Variants in CRTAC1 observed in about 807,000 individuals in gnomAD.
CRTAC1 encodes the protein cartilage acidic protein 1.
In CRTAC1, 37 loss-of-function variants were observed where a neutral mutation model predicts 67.8. The ratio of observed to expected loss-of-function variants is 0.55; its 90% CI spans 0.42 to 0.72. The LOEUF is 0.72. Among genes scored for constraint, CRTAC1 ranks in the 30% least tolerant of loss-of-function variants. CRTAC1 has a pLI of 0.00. For synonymous variants in CRTAC1, 348 were observed against 371.0 expected, an observed-to-expected ratio of 0.94 and a Z score of 0.71; for missense variants, 780 against 931.6, an observed-to-expected ratio of 0.84 and a Z score of 2.12.
chr10:97,991,844 T>A (rs1008503361), intron 2 of CRTAC1, among the ~76,000 whole-genome samples: 2 of 152,246 alleles, frequency 1.3e-5, no homozygotes, highest in African/African-American at 4.8e-5. Flanking sequence ...AAAGATTGAT[T>A]TAGATTTTAG....
intron 2 of CRTAC1, among the ~76,000 whole-genome samples, chr10:98,006,564 C>G (rs1454445810): frequency 6.6e-6 from 1 of 152,130 alleles, no homozygotes; most frequent in Non-Finnish European, 1.5e-5. Context: ...CAACACAAAC[C>G]GACCCGCAAC....
At chr10:97,965,717 C>G (rs539791196) in intron 2 of CRTAC1, among the ~76,000 whole-genome samples, 24 of 152,002 alleles carry the variant, frequency 1.6e-4, no homozygotes, top group African/African-American at 5.8e-4. Flanking sequence ...TTAATAGAGA[C>G]ATGTGTAATG....
At chr10:97,961,932 C>A (rs1487124228) in intron 2 of CRTAC1, among the ~76,000 whole-genome samples, 1 of 152,186 alleles carries the variant, frequency 6.6e-6, no homozygotes, top group African/African-American at 2.4e-5. Context: ...AGTTTCCATG[C>A]GTACTTGGTG....
chr10:97,952,622 C>T (rs893578953), intron 2 of CRTAC1, among the ~76,000 whole-genome samples: 4 of 151,310 alleles, frequency 2.6e-5, no homozygotes, highest in Non-Finnish European at 5.9e-5. Flanking sequence ...ACCTGGAGTC[C>T]AGGAATCAGC....
Position 97,865,543 on chromosome 10 carries a change from C to G in CRTAC1, c.*5G>C. On this transcript the variant is annotated 3_prime_UTR_variant, in exon 15 of 15. Transcript: ENST00000370597. Reference sequence around the variant, plus strand: ...TCCATCCGCTGGTTCATGTCCCACCCCTGCTCAGCAGCTGGGCTCGCAGCT... The same window carrying G: ...TCCATCCGCTGGTTCATGTCCCACCGCTGCTCAGCAGCTGGGCTCGCAGCT... 6.2e-7 allele frequency: 1 copy of G among 1,604,238 alleles called. No individual in the cohort carries two copies. The highest frequency in any genetic ancestry group is 8.5e-7 in the Non-Finnish European group (1 of 1,173,010).
At chr10:97,882,857 A>G in intron 12 of CRTAC1, 29 bp from the exon 13 acceptor site, 4 of 1,613,310 alleles carry the variant, frequency 2.5e-6, no homozygotes, top group Non-Finnish European at 3.4e-6. Context: ...CAGAGACATG[A>G]GTGAGTTGAG....
chr10:98,003,553 C>T (rs1406192572), intron 2 of CRTAC1, among the ~76,000 whole-genome samples: 1 of 152,254 alleles, frequency 6.6e-6, no homozygotes, highest in East Asian at 1.9e-4. Flanking sequence ...CTGACTTCTC[C>T]TTCTGCCTCC....
chr10:97,966,118 A>C (rs1247251692), intron 2 of CRTAC1, among the ~76,000 whole-genome samples: 1 of 152,096 alleles, frequency 6.6e-6, no homozygotes, highest in Non-Finnish European at 1.5e-5. Flanking sequence ...TCACTCCATC[A>C]CCCAGGCTTG....
intron 11 of CRTAC1, among the ~76,000 whole-genome samples, chr10:97,888,204 T>C (rs980817192): frequency 1.3e-5 from 2 of 152,338 alleles, no homozygotes; most frequent in Middle Eastern, 3.4e-3. Flanking sequence ...CCCATTCTCA[T>C]GATTCCCATG....
intron 4 of CRTAC1, among the ~76,000 whole-genome samples, chr10:97,921,926 T>C (rs76628883): frequency 0.069 from 10,351 of 150,412 alleles, 428 homozygotes; most frequent in African/African-American, 0.11. Flanking sequence ...TCATTTCACA[T>C]AGTGCCTTTG....
At position 97,923,350 on chromosome 10, in the gene CRTAC1, C is replaced by T. The variant is rs771262267; in HGVS notation, c.472G>A (p.Glu158Lys). ...KLFKFRNNRW[E>K]DILSDEVNVA... ...TTGACCTCATCGCTCAGGATGTCTT[C>T]CCACCGGTTATTGCGGAACTTGAAC... The change falls in exon 4 of 15, where the codon GAA becomes AAA. Residue 158 changes from glutamate to lysine, a missense_variant. Glu to Lys is a moderately conservative substitution (Grantham distance 56). Coordinates refer to ENST00000370597, the MANE Select transcript of CRTAC1 (RefSeq NM_018058.7). 6.2e-7 allele frequency: 1 copy of T among 1,614,122 alleles called. No individual in the cohort carries two copies. Among genetic ancestry groups the T allele is most frequent in the Non-Finnish European group, 8.5e-7 (1 of 1,180,026 alleles).
intron 2 of CRTAC1, among the ~76,000 whole-genome samples, chr10:97,964,778 C>A (rs2051588296): frequency 6.6e-6 from 1 of 152,216 alleles, no homozygotes; most frequent in Non-Finnish European, 1.5e-5. Flanking sequence ...CTGAGCCCAT[C>A]ATTTACCTTG....
intron 2 of CRTAC1, among the ~76,000 whole-genome samples, chr10:97,976,576 A>G (rs2051807254): frequency 6.6e-6 from 1 of 152,230 alleles, no homozygotes; most frequent in African/African-American, 2.4e-5. Flanking sequence ...ACCTTACTAC[A>G]TCGCAGCAAT....
At position 97,938,039 on chromosome 10, in the gene CRTAC1, T is replaced by C. The variant is rs185258127; in HGVS notation, c.225-1673A>G. Among the ~76,000 whole-genome samples the C allele has an allele frequency of 4.1e-3, 628 of 152,262 alleles. 3 individuals carry two copies. The highest frequency in any genetic ancestry group is 0.014 in the African/African-American group (568 of 41,566). ...CCCAAGATGCAGAAGCCAGTGAGGT[T>C]TGGGGGATGCTGAGCAGCTGGCTGG... On this transcript the variant is annotated intron_variant, in intron 2 of 14. Transcript: ENST00000370597.
chr10:97,996,984 G>A lies in CRTAC1; in HGVS notation c.224+14154C>T, dbSNP rs1336118764. On this transcript the variant is annotated intron_variant, in intron 2 of 14. Transcript: ENST00000370597. ...ATCATTCTCAGTAAACTATCGCAAGGACAAAAAACCAAACACCGCATGTTC... is the reference window on the plus strand; with the variant it reads ...ATCATTCTCAGTAAACTATCGCAAGAACAAAAAACCAAACACCGCATGTTC... Among the ~76,000 whole-genome samples, 19 of 147,620 alleles carry A rather than the reference G, an allele frequency of 1.3e-4. No individual in the cohort carries two copies. In the East Asian group the frequency reaches 2.2e-3, roughly 17 times the overall value.
intron 11 of CRTAC1, among the ~76,000 whole-genome samples, chr10:97,894,768 T>C (rs1388090652): frequency 1.5e-5 from 1 of 65,610 alleles, no homozygotes; most frequent in African/African-American, 4.8e-5. Flanking sequence ...ATATATATGA[T>C]AGGATTTTGT....
In CRTAC1 at chr10:97,975,099, G is replaced by A. The variant is rs1273633722; in HGVS notation, c.224+36039C>T. Among the ~76,000 whole-genome samples, 1 of 152,174 alleles carries A rather than the reference G, an allele frequency of 6.6e-6. No individual in the cohort carries two copies. Among genetic ancestry groups the A allele is most frequent in the Non-Finnish European group, 1.5e-5 (1 of 68,028 alleles). On this transcript the variant is annotated intron_variant, in intron 2 of 14. Transcript: ENST00000370597. This position sits in a 1 kb window ranked among gnomAD's most constrained non-coding sequence, Gnocchi z 4.8. ...GGAGGGCCGGCCCGGGAGGAGCGGC[G>A]GAGGGGCCGGAGCCTACAGTTAAAT...
chr10:97,995,946 G>A (rs1002898202), intron 2 of CRTAC1, among the ~76,000 whole-genome samples: 1 of 152,086 alleles, frequency 6.6e-6, no homozygotes, highest in Non-Finnish European at 1.5e-5. Flanking sequence ...GGATCACAAA[G>A]TCAAGAGATC....
rs1399792693 is a variant in CRTAC1 at position 97,921,638 on chromosome 10, C to T, written c.558+1626G>A. 2.6e-5 allele frequency among the ~76,000 whole-genome samples: 4 copies of T among 152,296 alleles called. No homozygotes were observed. The East Asian group carries it at 5.8e-4, about 22-fold the overall frequency. ...TGGCTGTTACTGTTGTCCTTGCTCT[C>T]GTGTTTTCCTGCACCATGCTGCATT... On this transcript the variant is annotated intron_variant, in intron 4 of 14. Coordinates refer to ENST00000370597, the MANE Select transcript of CRTAC1 (RefSeq NM_018058.7).
Sources: allele counts gnomAD v4.1 joint callset (sites outside exome capture counted in the v4.1 genomes callset), GRCh38; gene constraint gnomAD v4.1.1; non-coding constraint Gnocchi (gnomAD v3.1); transcripts MANE v1.5; gene names NCBI Gene and HGNC (gene_info 2026-07-23, HGNC 2026-07-21).